ABCB7: variants seen among roughly 807,000 people sequenced by gnomAD.
ABCB7 encodes ATP binding cassette subfamily B member 7, also known as iron-sulfur clusters transporter ABCB7, mitochondrial.
ABCB7 carries 7 observed loss-of-function variants against 54.4 expected under a neutral mutation model. That is an observed-to-expected ratio of 0.13 (90% confidence interval 0.07 to 0.24). The LOEUF is 0.24. Ranked by LOEUF, ABCB7 falls within the 10% of genes least tolerant of loss-of-function variation. ABCB7 has a pLI of 1.00. For synonymous variants in ABCB7, 218 were observed against 207.1 expected (o/e 1.05, Z -0.45); for missense variants, 356 against 570.4 (o/e 0.62, Z 3.83).
chrX:75,070,286 G>A, intron 10 of ABCB7, 79 bp downstream of exon 10: 1 of 1,018,517 alleles, frequency 9.8e-7, no homozygotes, highest in African/African-American at 1.9e-5. Flanking sequence ...ATGTGGTGAT[G>A]TAGGAATATT....
At position 75,053,097 on chromosome X, in the gene ABCB7, C is replaced by A; in HGVS notation, c.*273G>T. ...GGCTATAGATCAAATGAATGTCAGG[C>A]CTCAAGAGGGTAATGTGGTAATATC... On this transcript the variant is annotated 3_prime_UTR_variant, in exon 16 of 16. Transcript: ENST00000373394. 5.8e-6 allele frequency: 2 copies of A among 344,076 alleles called. No homozygotes were observed. Among genetic ancestry groups the A allele is most frequent in the South Asian group, 9.1e-5 (2 of 22,052 alleles). 28.4% of individuals were successfully genotyped at this position (344,076 alleles called of 1,213,427 possible). A position where few individuals can be genotyped will look rare whatever the true frequency, so the allele number is the denominator to read the frequency against.
intron 3 of ABCB7, among the ~76,000 whole-genome samples, chrX:75,110,806 C>T (rs1478802786): frequency 8.9e-6 from 1 of 112,152 alleles, no homozygotes; most frequent in Non-Finnish European, 1.9e-5. Flanking sequence ...AATTCATCTA[C>T]TTTAAAAACT....
chrX:75,130,277 C>A (rs1199932135), intron 1 of ABCB7, among the ~76,000 whole-genome samples: 2 of 111,897 alleles, frequency 1.8e-5, no homozygotes, highest in Non-Finnish European at 3.8e-5. Context: ...GAGTATGGGG[C>A]TATAAAAATT....
intron 1 of ABCB7, among the ~76,000 whole-genome samples, chrX:75,115,590 G>A (rs953953348): frequency 3.7e-5 from 4 of 107,252 alleles, no homozygotes; most frequent in South Asian, 4.1e-4. Context: ...CGTCTTAATC[G>A]GAATGCTAAA....
At chrX:75,139,047 C>G (rs777045372) in intron 1 of ABCB7, among the ~76,000 whole-genome samples, 1 of 106,509 alleles carries the variant, frequency 9.4e-6, no homozygotes, top group South Asian at 4.2e-4. Flanking sequence ...GGATGTGATA[C>G]AGGGATCTGA....
intron 1 of ABCB7, among the ~76,000 whole-genome samples, chrX:75,137,873 G>A (rs1441030574): frequency 2.7e-5 from 3 of 111,395 alleles, no homozygotes; most frequent in African/African-American, 9.8e-5. Context: ...GCCTATTTGA[G>A]GGTAGACAAT....
At chrX:75,115,113 T>C (rs886832866) in intron 1 of ABCB7, among the ~76,000 whole-genome samples, 1 of 107,023 alleles carries the variant, frequency 9.3e-6, no homozygotes, top group South Asian at 4.2e-4. Flanking sequence ...ACCAAAAATA[T>C]AAAAATTAGC....
chrX:75,059,230 C>T (rs1290089755), intron 15 of ABCB7, among the ~76,000 whole-genome samples: 2 of 110,696 alleles, frequency 1.8e-5, no homozygotes, highest in Non-Finnish European at 3.8e-5. Context: ...AATCCCAGCG[C>T]ACTTTGGGAG....
At chrX:75,112,712 C>T (rs772917940) in intron 3 of ABCB7, among the ~76,000 whole-genome samples, 174 bp downstream of exon 3, 5 of 104,708 alleles carry the variant, frequency 4.8e-5, no homozygotes, top group African/African-American at 1.4e-4. Flanking sequence ...TCTTTAAGTC[C>T]GAGAAAATAT....
intron 1 of ABCB7, among the ~76,000 whole-genome samples, chrX:75,141,961 T>TG (rs1188068973): frequency 1.8e-5 from 2 of 111,820 alleles, no homozygotes; most frequent in African/African-American, 6.5e-5. Flanking sequence ...AAATATATAA[T>TG]TAATGTAATG....
At chrX:75,072,706 TTTA>T (rs2081373036) in intron 8 of ABCB7, among the ~76,000 whole-genome samples, 1 of 111,468 alleles carries the variant, frequency 9.0e-6, no homozygotes, top group Non-Finnish European at 1.9e-5. Context: ...TACTGTAGAC[TTTA>T]TAAACACTGT....
chrX:75,056,390 C>G lies in ABCB7; in HGVS notation c.2044-2805G>C, dbSNP rs761168531. On this transcript the variant is annotated intron_variant, in intron 15 of 15. Coordinates refer to ENST00000373394, the MANE Select transcript of ABCB7 (RefSeq NM_001271696.3). ...TTGATAATTTTTGTTTTAGCAGTATCATCATGGATGCTTAGATGTTTTTTA... is the reference window on the plus strand; with the variant it reads ...TTGATAATTTTTGTTTTAGCAGTATGATCATGGATGCTTAGATGTTTTTTA... Among the ~76,000 whole-genome samples, 4 of 111,882 alleles carry G rather than the reference C, an allele frequency of 3.6e-5. No individual in the cohort carries two copies. In the East Asian group the frequency reaches 8.4e-4, roughly 24 times the overall value.
intron 1 of ABCB7, among the ~76,000 whole-genome samples, chrX:75,122,862 GT>G (rs2081892058): frequency 4.2e-4 from 1 of 2,400 alleles, no homozygotes; most frequent in African/African-American, 4.6e-4. Context: ...TAAAATTGGG[GT>G]GTGTGTGTGT....
At chrX:75,133,093 A>G (rs2081986530) in intron 1 of ABCB7, among the ~76,000 whole-genome samples, 1 of 112,101 alleles carries the variant, frequency 8.9e-6, no homozygotes, top group Non-Finnish European at 1.9e-5. Context: ...GTATACAATA[A>G]AATGATTTAA....
At chrX:75,107,498 C>G (rs1179285646) in intron 3 of ABCB7, among the ~76,000 whole-genome samples, 2 of 111,453 alleles carry the variant, frequency 1.8e-5, no homozygotes, top group African/African-American at 6.5e-5. Flanking sequence ...TGTCTTGCAT[C>G]TTGGATATCA....
At chrX:75,096,784 C>T (rs1408633472) in intron 4 of ABCB7, among the ~76,000 whole-genome samples, 3 of 103,259 alleles carry the variant, frequency 2.9e-5, no homozygotes, top group Admixed American at 1.0e-4. Context: ...TGGAATCCTA[C>T]TTTTTTTTTT....
intron 3 of ABCB7, among the ~76,000 whole-genome samples, chrX:75,110,359 A>G (rs768308676): frequency 8.9e-6 from 1 of 111,871 alleles, no homozygotes; most frequent in Non-Finnish European, 1.9e-5. Flanking sequence ...TCATCCAGGT[A>G]TGCTTGCCCA....
rs2081616083 is a variant in ABCB7 at position 75,098,996 on chromosome X, C to T, written c.399G>A (p.Arg133=). 4 of 1,211,212 alleles carry T rather than the reference C, an allele frequency of 3.3e-6. No homozygotes were observed. In the East Asian group the frequency reaches 1.2e-4, roughly 36 times the overall value. The change falls in exon 4 of 16, where the codon AGG becomes AGA. Residue 133 remains arginine (R), a synonymous_variant. Coordinates refer to ENST00000373394, the MANE Select transcript of ABCB7 (RefSeq NM_001271696.3). ...TGGCAACTCTAGCTCGTAGATCTGG[C>T]CTGTCTTTGGGCCACACATAAGAAA... The part of the protein sequence containing the change: ...AMLSYVWPKD[R]PDLRARVAIS...
At chrX:75,093,834 T>G (rs1375345457) in intron 4 of ABCB7, among the ~76,000 whole-genome samples, 1 of 107,952 alleles carries the variant, frequency 9.3e-6, no homozygotes, top group Non-Finnish European at 1.9e-5. Context: ...ACTGTCTCAT[T>G]TTAAAAAATA....
Sources: gnomAD v4.1 joint callset for allele counts (sites outside exome capture counted in the v4.1 genomes callset) on GRCh38, gnomAD v4.1.1 for gene constraint, MANE v1.5 for transcripts, NCBI Gene and HGNC (gene_info 2026-07-23, HGNC 2026-07-21) for gene names.